Variants in CYB5RL observed in about 807,000 individuals in gnomAD.
The protein encoded by CYB5RL is NADH-cytochrome b5 reductase-like.
In CYB5RL, 38 loss-of-function variants were observed where a neutral mutation model predicts 37.5. That is an observed-to-expected ratio of 1.01 (90% CI 0.78 to 1.33). The LOEUF is 1.33. Ranked by LOEUF, CYB5RL falls within the 40% of genes most tolerant of loss-of-function variation. The probability of loss-of-function intolerance (pLI) is 0.00; values close to 1 mark genes in which losing one functional copy is unlikely to be tolerated. For missense variants in CYB5RL, 388 were observed against 394.4 expected (o/e 0.98, Z 0.14); for synonymous variants, 141 against 151.9 (o/e 0.93, Z 0.53).
intron 1 of CYB5RL, among the ~76,000 whole-genome samples, chr1:54,199,416 A>T (rs1376091861): frequency 1.3e-5 from 2 of 152,192 alleles, no homozygotes; most frequent in African/African-American, 4.8e-5. Flanking sequence ...AACTACGGAA[A>T]AGGGATAGGA....
rs1053684091 is a variant in CYB5RL at position 54,170,493 on chromosome 1, C to T, written c.*4126G>A. ...GCAGTGGCACAATCTTGGCTCCCTG[C>T]AAGCTCCGCCTCCCGGGTTCACACC... On this transcript the variant is annotated 3_prime_UTR_variant, in exon 8 of 8. Coordinates refer to ENST00000534324, the MANE Select transcript of CYB5RL (RefSeq NM_001031672.4). 1 of 153,036 alleles carries T rather than the reference C, an allele frequency of 6.5e-6. No individual in the cohort carries two copies. The highest frequency in any genetic ancestry group is 1.5e-5 in the Non-Finnish European group (1 of 68,668). 9.5% of individuals were successfully genotyped at this position (153,036 alleles called of 1,614,324 possible). A position where few individuals can be genotyped will look rare whatever the true frequency, so the allele number is the denominator to read the frequency against.
intron 6 of CYB5RL, 90 bp from the exon 7 acceptor site, chr1:54,179,442 C>T (rs1163781282): frequency 2.2e-6 from 3 of 1,357,582 alleles, no homozygotes; most frequent in Middle Eastern, 2.5e-4. Context: ...GAGCTTCCTT[C>T]AACTGGACGG....
chr1:54,185,995 T>C (rs536684290), intron 5 of CYB5RL: 29 of 165,522 alleles, frequency 1.8e-4, no homozygotes, highest in Admixed American at 9.6e-4. Context: ...TCTGCCGCCA[T>C]GTGAGATATG....
intron 2 of CYB5RL, among the ~76,000 whole-genome samples, chr1:54,196,054 A>G (rs1247052503): frequency 6.6e-6 from 1 of 152,226 alleles, no homozygotes; most frequent in Non-Finnish European, 1.5e-5. Context: ...ATCACCAAGC[A>G]TAGCTTGGCA....
rs111604559 is a variant in CYB5RL at position 54,194,331 on chromosome 1, C to T, written c.198+1088G>A. 1.4e-3 allele frequency among the ~76,000 whole-genome samples: 219 copies of T among 151,714 alleles called. 3 individuals are homozygous for T. Among genetic ancestry groups the T allele is most frequent in the African/African-American group, 5.0e-3 (208 of 41,384 alleles). On this transcript the variant is annotated intron_variant, in intron 3 of 7. Coordinates refer to ENST00000534324, the MANE Select transcript of CYB5RL (RefSeq NM_001031672.4). ...GTTGCAGTGAACCAAGATAGCGCCA[C>T]TGCACCCCAGCCTGGGCAACAAGAG... is the stretch of plus-strand genomic sequence containing the variant.
intron 3 of CYB5RL, among the ~76,000 whole-genome samples, chr1:54,193,433 G>T (rs970104466): frequency 2.6e-5 from 4 of 152,210 alleles, no homozygotes; most frequent in African/African-American, 9.7e-5. Context: ...TGTGGAGATG[G>T]AGGGCAGTGA....
Position 54,179,162 on chromosome 1 carries a change from A to G in CYB5RL, c.731T>C (p.Phe244Ser). Residue 244 changes from phenylalanine (F) to serine (S), a missense_variant, in exon 7 of 8, where the codon TTT becomes TCT. By Grantham distance (155) the Phe-to-Ser change is radical. Transcript: ENST00000534324. ...QARFWNVRTF[F>S]VLSQESSSEQ... is the part of the protein sequence containing the mutation. ...CCCTGGGCTCACCTGGCTGAGTACA[A>G]AGAAGGTACGGACATTCCAGAAACG... The G allele has an allele frequency of 6.2e-7, 1 of 1,612,770 alleles. No homozygotes were observed. Among genetic ancestry groups the G allele is most frequent in the Non-Finnish European group, 8.5e-7 (1 of 1,179,564 alleles).
chr1:54,183,241 T>C (rs1208547811), intron 6 of CYB5RL, among the ~76,000 whole-genome samples: 1 of 152,234 alleles, frequency 6.6e-6, no homozygotes, highest in African/African-American at 2.4e-5. Context: ...GTTCCCCTGC[T>C]GTTGGATATT....
intron 7 of CYB5RL, among the ~76,000 whole-genome samples, chr1:54,176,586 G>A (rs1297663705): frequency 6.6e-6 from 1 of 152,214 alleles, no homozygotes; most frequent in Non-Finnish European, 1.5e-5. Flanking sequence ...CTGTGCTGAT[G>A]AGGGGGATCC....
intron 1 of CYB5RL, among the ~76,000 whole-genome samples, chr1:54,198,630 CTTTTTTTTTTT>C (rs145616563): frequency 9.6e-6 from 1 of 103,956 alleles, no homozygotes; most frequent in African/African-American, 4.0e-5. Flanking sequence ...CATGCCCGGC[CTTTTTTTTTTT>C]TTTTTTTTGA....
rs1659968899 is a variant in CYB5RL, at chr1:54,174,469, G to A, written c.*150C>T. On this transcript the variant is annotated 3_prime_UTR_variant, in exon 8 of 8. Coordinates refer to ENST00000534324, the MANE Select transcript of CYB5RL (RefSeq NM_001031672.4). ...CTCATGGGGCAGATGAGAAGTAGAGGTTCTGAGCAGTAAAGACACTTGCCC... is the reference window on the plus strand; with the variant it reads ...CTCATGGGGCAGATGAGAAGTAGAGATTCTGAGCAGTAAAGACACTTGCCC... 1 of 822,988 alleles carries A rather than the reference G, an allele frequency of 1.2e-6. No homozygotes were observed. Among genetic ancestry groups the A allele is most frequent in the Non-Finnish European group, 2.0e-6 (1 of 511,752 alleles). 51.0% of individuals were successfully genotyped at this position (822,988 alleles called of 1,614,324 possible).
At chr1:54,189,787 G>T (rs1643933019) in intron 4 of CYB5RL, among the ~76,000 whole-genome samples, 1 of 152,182 alleles carries the variant, frequency 6.6e-6, no homozygotes, top group South Asian at 2.1e-4. Context: ...CCAGGTCACA[G>T]GCCAGAAGGA....
intron 6 of CYB5RL, chr1:54,179,928 T>G (rs1660114575): frequency 2.2e-6 from 1 of 453,922 alleles, no homozygotes; most frequent in East Asian, 6.9e-5. Flanking sequence ...AGCACAGCAC[T>G]GGCACAAAAG....
rs1057376304 is a variant in CYB5RL, at chr1:54,180,290, C to T, written c.541-938G>A. Reference sequence around the variant, plus strand: ...CCCCAGGAGGTCCCAGTTCCATCAACTCCTCCTCACTGAATCTATTTCCAG... The same window carrying T: ...CCCCAGGAGGTCCCAGTTCCATCAATTCCTCCTCACTGAATCTATTTCCAG... On this transcript the variant is annotated intron_variant, in intron 6 of 7. Coordinates refer to ENST00000534324, the MANE Select transcript of CYB5RL (RefSeq NM_001031672.4). 14 of 380,836 alleles carry T rather than the reference C, an allele frequency of 3.7e-5. No homozygotes were observed. The Admixed American group carries it at 4.1e-4, about 11-fold the overall frequency. The allele number at this position is 380,836 out of a possible 1,614,324, so 23.6% of individuals were successfully genotyped here. A position where few individuals can be genotyped will look rare whatever the true frequency, so the allele number is the denominator to read the frequency against.
At chr1:54,193,702 C>CAT (rs1333945424) in intron 3 of CYB5RL, among the ~76,000 whole-genome samples, 1 of 152,022 alleles carries the variant, frequency 6.6e-6, no homozygotes, top group Non-Finnish European at 1.5e-5. Flanking sequence ...TGGCCAGGTA[C>CAT]AGTGGCTCAC....
chr1:54,194,002 C>T (rs1226183150), intron 3 of CYB5RL, among the ~76,000 whole-genome samples: 1 of 140,186 alleles, frequency 7.1e-6, no homozygotes, highest in African/African-American at 2.7e-5. Flanking sequence ...GAGACTCTTC[C>T]TCAATAATAA....
At chr1:54,192,170 T>C (rs1374702442) in intron 3 of CYB5RL, among the ~76,000 whole-genome samples, 1 of 147,562 alleles carries the variant, frequency 6.8e-6, no homozygotes, top group Non-Finnish European at 1.5e-5. Context: ...TTTGCATCCA[T>C]CTGTTTGCAA....
chr1:54,175,616 T>C, intron 7 of CYB5RL: 1 of 438,768 alleles, frequency 2.3e-6, no homozygotes, highest in South Asian at 1.6e-5. Flanking sequence ...AAGTATACAG[T>C]TAGCCCTCTG....
At chr1:54,191,042 C>T in intron 3 of CYB5RL, 146 bp from the exon 4 acceptor site, 2 of 1,154,626 alleles carry the variant, frequency 1.7e-6, no homozygotes, top group Non-Finnish European at 2.4e-6. Context: ...ACCTTACTTC[C>T]CTTTCAAAAT....
Sources: allele counts gnomAD v4.1 joint callset (sites outside exome capture counted in the v4.1 genomes callset), GRCh38; gene constraint gnomAD v4.1.1; transcripts MANE v1.5; gene names NCBI Gene and HGNC (gene_info 2026-07-23, HGNC 2026-07-21).